Variants in MEGF11 observed in about 807,000 individuals in gnomAD.
MEGF11 encodes the protein multiple epidermal growth factor-like domains protein 11.
MEGF11 carries 126 observed loss-of-function variants against 146.6 expected under a neutral mutation model. The ratio of observed to expected loss-of-function variants is 0.86; its 90% CI spans 0.74 to 1.00. MEGF11 has a LOEUF of 1.00. Among genes scored for constraint, MEGF11 ranks in the 50% least tolerant of loss-of-function variants. The pLI, the probability that MEGF11 is intolerant of heterozygous loss-of-function variation, is 0.00. For synonymous variants in MEGF11, 532 were observed against 583.4 expected, an observed-to-expected ratio of 0.91 and a Z score of 1.27; for missense variants, 1,509 against 1,521.2, an observed-to-expected ratio of 0.99 and a Z score of 0.13.
intron 3 of MEGF11, among the ~76,000 whole-genome samples, 183 bp from the exon 4 acceptor site, chr15:66,119,369 A>G (rs1368952526): frequency 6.6e-6 from 1 of 152,250 alleles, no homozygotes; most frequent in Non-Finnish European, 1.5e-5. Context: ...GTTGTGATGC[A>G]GAATGTATTA....
intron 15 of MEGF11, among the ~76,000 whole-genome samples, chr15:65,919,839 C>A (rs1006017228): frequency 6.6e-6 from 1 of 152,158 alleles, no homozygotes; most frequent in Non-Finnish European, 1.5e-5. Flanking sequence ...AGGCTGGTCT[C>A]GAACTCCTGA....
At chr15:65,914,008 G>A (rs1249592454) in intron 19 of MEGF11, 35 bp from the exon 20 acceptor site, 2 of 1,553,186 alleles carry the variant, frequency 1.3e-6, no homozygotes, top group East Asian at 2.3e-5. Context: ...CCTGGGGCTG[G>A]CCTTCTTGCG....
intron 8 of MEGF11, among the ~76,000 whole-genome samples, chr15:65,969,613 G>A (rs918641363): frequency 6.6e-6 from 1 of 152,198 alleles, no homozygotes; most frequent in Non-Finnish European, 1.5e-5. Context: ...GGAGCTGGAG[G>A]AGCCCCGATT....
chr15:66,244,320 C>T (rs905989154), intron 1 of MEGF11, among the ~76,000 whole-genome samples: 8 of 152,110 alleles, frequency 5.3e-5, no homozygotes, highest in African/African-American at 1.9e-4. Context: ...TCGTTACTGG[C>T]TCTACCCCTC....
At chr15:66,049,753 C>A (rs1277869612) in intron 5 of MEGF11, among the ~76,000 whole-genome samples, 1 of 152,094 alleles carries the variant, frequency 6.6e-6, no homozygotes, top group Non-Finnish European at 1.5e-5. Context: ...GGGATGGGGC[C>A]CAGAGCTTCA....
intron 1 of MEGF11, among the ~76,000 whole-genome samples, chr15:66,150,470 G>A (rs994936562): frequency 2.6e-5 from 4 of 152,068 alleles, no homozygotes; most frequent in South Asian, 2.1e-4. Flanking sequence ...TTGAGGAGTC[G>A]CAGAGCCTGG....
At chr15:66,006,826 C>A (rs957779991) in intron 5 of MEGF11, among the ~76,000 whole-genome samples, 8 of 152,232 alleles carry the variant, frequency 5.3e-5, no homozygotes, top group Non-Finnish European at 1.2e-4. Context: ...GCAGCCCCTC[C>A]AGTCTCCAAG....
intron 4 of MEGF11, among the ~76,000 whole-genome samples, chr15:66,118,683 A>C (rs1567250019): frequency 1.3e-5 from 2 of 151,956 alleles, no homozygotes; most frequent in African/African-American, 2.4e-5. Flanking sequence ...CCAACTGTCC[A>C]TCTACATACC....
chr15:65,940,097 G>T (rs1245449703), intron 10 of MEGF11, among the ~76,000 whole-genome samples: 3 of 152,088 alleles, frequency 2.0e-5, no homozygotes, highest in Non-Finnish European at 4.4e-5. Flanking sequence ...GACGGGGTGG[G>T]GCATAAAATG....
chr15:66,022,873 G>A (rs539367261), intron 5 of MEGF11, among the ~76,000 whole-genome samples: 1 of 151,662 alleles, frequency 6.6e-6, no homozygotes, highest in Non-Finnish European at 1.5e-5. Flanking sequence ...AAATTGGTTG[G>A]GGGTAGTGGC....
chr15:66,174,554 T>C (rs1445935564), intron 1 of MEGF11, among the ~76,000 whole-genome samples: 1 of 151,936 alleles, frequency 6.6e-6, no homozygotes, highest in South Asian at 2.1e-4. Context: ...GTAAGTGATA[T>C]AACTCTGCAT....
At position 65,994,397 on chromosome 15, in the gene MEGF11, G is replaced by A. The variant is rs572979167; in HGVS notation, c.395-11909C>T. 9.5e-4 allele frequency among the ~76,000 whole-genome samples: 145 copies of A among 152,334 alleles called. 4 individuals are homozygous for A. In the South Asian group the frequency reaches 0.018, roughly 19 times the overall value. Reference sequence around the variant, plus strand: ...GCAGGAAGCAGAGACAGGAGCAGTGGAAGTGGAGGCTGTGCAGAGGCCCGG... The same window carrying A: ...GCAGGAAGCAGAGACAGGAGCAGTGAAAGTGGAGGCTGTGCAGAGGCCCGG... On this transcript the variant is annotated intron_variant, in intron 5 of 25. Transcript: ENST00000395614.
Position 65,916,843 on chromosome 15 carries a change from G to C in MEGF11, c.2200C>G (p.Leu734Val). The C allele has an allele frequency of 6.2e-7, 1 of 1,604,778 alleles. No homozygotes were observed. The highest frequency in any genetic ancestry group is 8.5e-7 in the Non-Finnish European group (1 of 1,174,130). ...ACHCTPGWTG[L>V]FCTQRCPAAF... ...TGGGGCTTACGCTGTGTGCAGAAGA[G>C]TCCAGTCCAGCCAGGGGTGCAGTGG... The change falls in exon 17 of 26, where the codon CTC becomes GTC. Residue 734 changes from leucine to valine, a missense_variant. Transcript: ENST00000395614.
Position 65,895,695 on chromosome 15 carries a change from G to C in MEGF11, c.*2239C>G, listed in dbSNP as rs1433971604. ...ACCCTCTGCCTTTCCCTTCTCCTCTGTATTGCCTGGTTTGACTTGTATTAC... is the reference window on the plus strand; with the variant it reads ...ACCCTCTGCCTTTCCCTTCTCCTCTCTATTGCCTGGTTTGACTTGTATTAC... On this transcript the variant is annotated 3_prime_UTR_variant, in exon 26 of 26. Coordinates refer to ENST00000395614, the MANE Select transcript of MEGF11 (RefSeq NM_001385028.1). 2.0e-5 allele frequency: 3 copies of C among 152,582 alleles called. No individual in the cohort carries two copies. The South Asian group carries it at 6.2e-4, about 32-fold the overall frequency. The allele number at this position is 152,582 out of a possible 1,614,324, so 9.5% of individuals were successfully genotyped here.
intron 15 of MEGF11, among the ~76,000 whole-genome samples, chr15:65,919,544 A>G (rs1021740335): frequency 2.6e-5 from 4 of 151,230 alleles, no homozygotes; most frequent in African/African-American, 4.8e-5. Context: ...ATTGCAAAAA[A>G]AAAATGCTGA....
intron 1 of MEGF11, among the ~76,000 whole-genome samples, chr15:66,136,055 G>T (rs1025227371): frequency 6.6e-6 from 1 of 152,162 alleles, no homozygotes; most frequent in African/African-American, 2.4e-5. Context: ...TCTCCCAGCT[G>T]CAGGGAGATA....
chr15:65,918,329 C>T (rs1239151727), intron 15 of MEGF11, among the ~76,000 whole-genome samples: 2 of 152,208 alleles, frequency 1.3e-5, no homozygotes, highest in Non-Finnish European at 2.9e-5. Context: ...TTATGATTGC[C>T]TTTAAGAACA....
chr15:65,978,594 G>T (rs2081528855), intron 7 of MEGF11, among the ~76,000 whole-genome samples: 1 of 152,196 alleles, frequency 6.6e-6, no homozygotes, highest in Admixed American at 6.5e-5. Flanking sequence ...GCCTTTACAG[G>T]CAAAGGGATG....
intron 1 of MEGF11, among the ~76,000 whole-genome samples, chr15:66,243,360 G>A (rs182845330): frequency 8.6e-4 from 131 of 152,320 alleles, no homozygotes; most frequent in African/African-American, 3.0e-3. Context: ...GCCCTGACCG[G>A]GGAGGCAGGA....
Sources: allele counts gnomAD v4.1 joint callset (sites outside exome capture counted in the v4.1 genomes callset), GRCh38; gene constraint gnomAD v4.1.1; transcripts MANE v1.5; gene names NCBI Gene and HGNC (gene_info 2026-07-23, HGNC 2026-07-21).